The following CCDC15 variants were observed in gnomAD, a reference collection of about 807,000 sequenced individuals.
The protein encoded by CCDC15 is coiled-coil domain containing 15.
Under a neutral mutation model 114.5 loss-of-function variants are expected in CCDC15, and 105 were observed. The ratio of observed to expected loss-of-function variants is 0.92; its 90% confidence interval spans 0.78 to 1.08. CCDC15 has a LOEUF of 1.08. Among genes scored for constraint, CCDC15 ranks in the 50% least tolerant of loss-of-function variants. The probability of loss-of-function intolerance (pLI) is 0.00; values close to 1 mark genes in which losing one functional copy is unlikely to be tolerated. For synonymous variants in CCDC15, 334 were observed against 377.8 expected (o/e 0.88, Z 1.34); for missense variants, 1,105 against 1,093.6 (o/e 1.01, Z -0.15).
At position 125,016,125 on chromosome 11, in the gene CCDC15, C is replaced by T. The variant is rs577714008; in HGVS notation, c.2411+10913C>T. On this transcript the variant is annotated intron_variant, in intron 13 of 15. Transcript: ENST00000344762. ...AATATTTTATTACTAGTTTGTTTGA[C>T]ATTGTAAGACTAAGCAGTATCTGCA... is the stretch of plus-strand genomic sequence containing the variant. Among the ~76,000 whole-genome samples the T allele has an allele frequency of 6.0e-4, 92 of 152,138 alleles. No individual in the cohort carries two copies. In the South Asian group the frequency reaches 7.0e-3, roughly 12 times the overall value.
At chr11:125,030,893 C>G (rs1948734209) in intron 13 of CCDC15, among the ~76,000 whole-genome samples, 1 of 152,190 alleles carries the variant, frequency 6.6e-6, no homozygotes, top group Non-Finnish European at 1.5e-5. Context: ...AAATCCTTCT[C>G]TGCTGAGTTC....
chr11:125,008,989 C>T (rs1041520986), intron 13 of CCDC15, among the ~76,000 whole-genome samples: 1 of 152,070 alleles, frequency 6.6e-6, no homozygotes, highest in African/African-American at 2.4e-5. Context: ...GAGGCTGAGG[C>T]GGGCAGATCA....
chr11:124,970,376 G>A (rs1947859101), intron 4 of CCDC15, among the ~76,000 whole-genome samples: 1 of 152,192 alleles, frequency 6.6e-6, no homozygotes, highest in Non-Finnish European at 1.5e-5. Flanking sequence ...GCAACTCGCT[G>A]CATTGCACTG....
Position 125,038,568 on chromosome 11 carries a change from C to G in CCDC15, c.2549C>G (p.Thr850Ser), listed in dbSNP as rs751885020. The G allele has an allele frequency of 6.3e-7, 1 of 1,574,976 alleles. No individual in the cohort carries two copies. Among genetic ancestry groups the G allele is most frequent in the South Asian group, 1.2e-5 (1 of 83,600 alleles). Reference protein sequence around the residue: ...AQLQLQEIKGTREKQQREKEY... With the variant: ...AQLQLQEIKGSREKQQREKEY... ...TTACAACTTCAAGAAATAAAAGGAA[C>G]CAGAGAAAAACAACAGAGAGAAAAA... Residue 850 changes from threonine (T) to serine (S), a missense_variant, in exon 14 of 16, where the codon ACC becomes AGC. Physicochemically the swap from Thr to Ser is moderately conservative, Grantham distance 58. Coordinates refer to ENST00000344762, the MANE Select transcript of CCDC15 (RefSeq NM_025004.3).
At chr11:125,008,990 G>A (rs1371925764) in intron 13 of CCDC15, among the ~76,000 whole-genome samples, 3 of 152,004 alleles carry the variant, frequency 2.0e-5, no homozygotes, top group Admixed American at 6.6e-5. Context: ...AGGCTGAGGC[G>A]GGCAGATCAC....
Position 125,032,211 on chromosome 11 carries a change from G to C in CCDC15, c.2412-6220G>C, listed in dbSNP as rs565274351. ...AGTGGAAAGTGATCAAGGTCTCTCTGAATAAGATTATGACACAAAGCCGGA... is the reference window on the plus strand; with the variant it reads ...AGTGGAAAGTGATCAAGGTCTCTCTCAATAAGATTATGACACAAAGCCGGA... On this transcript the variant is annotated intron_variant, in intron 13 of 15. Coordinates refer to ENST00000344762, the MANE Select transcript of CCDC15 (RefSeq NM_025004.3). Among the ~76,000 whole-genome samples, 3 of 152,346 alleles carry C rather than the reference G, an allele frequency of 2.0e-5. No individual in the cohort carries two copies. The South Asian group carries it at 6.2e-4, about 32-fold the overall frequency.
intron 13 of CCDC15, among the ~76,000 whole-genome samples, chr11:125,031,926 T>A (rs143178183): frequency 6.6e-6 from 1 of 152,304 alleles, no homozygotes; most frequent in African/African-American, 2.4e-5. Flanking sequence ...ATAGGCCCAC[T>A]AGGCATTGTG....
chr11:124,996,663 T>A (rs1948376516), intron 11 of CCDC15, among the ~76,000 whole-genome samples: 1 of 152,198 alleles, frequency 6.6e-6, no homozygotes, highest in Non-Finnish European at 1.5e-5. Context: ...TTTTTCCATC[T>A]TGTAAAACTG....
At chr11:124,993,118 G>C (rs769464515) in intron 10 of CCDC15, 51 bp from the exon 11 acceptor site, 75 of 1,117,636 alleles carry the variant, frequency 6.7e-5, no homozygotes, top group Non-Finnish European at 9.6e-5. Flanking sequence ...ACTGTCACTA[G>C]CCCGTCATTT....
chr11:124,994,282 C>T (rs1328844622), intron 11 of CCDC15, among the ~76,000 whole-genome samples: 3 of 152,134 alleles, frequency 2.0e-5, no homozygotes, highest in Non-Finnish European at 4.4e-5. Flanking sequence ...AGGTAGAGCA[C>T]ATCACAGGGT....
At position 124,988,055 on chromosome 11, in the gene CCDC15, C is replaced by A; in HGVS notation, c.1829C>A (p.Pro610His). ...ATATGTCAGGACCGGGATTTTCTAC[C>A]CAGAGACCTGCATGTTCTCTCCAAC... is the stretch of plus-strand genomic sequence containing the variant. ...LPICQDRDFL[P>H]RDLHVLSNDQ... is the part of the protein sequence containing the mutation. Residue 610 changes from proline (P) to histidine (H), a missense_variant, in exon 8 of 16, where the codon CCC becomes CAC. Pro to His is a moderately conservative substitution (Grantham distance 77, BLOSUM62 -2). Transcript: ENST00000344762. 6.2e-7 allele frequency: 1 copy of A among 1,613,956 alleles called. No homozygotes were observed.
chr11:125,040,031 GTTGT>G (rs1948805020), intron 15 of CCDC15, among the ~76,000 whole-genome samples: 1 of 150,174 alleles, frequency 6.7e-6, no homozygotes, highest in Non-Finnish European at 1.5e-5. Context: ...ATTTGTTGTT[GTTGT>G]TTGTTTTTTT....
intron 6 of CCDC15, among the ~76,000 whole-genome samples, chr11:124,981,600 G>A (rs563169754): frequency 7.9e-5 from 12 of 151,992 alleles, no homozygotes; most frequent in African/African-American, 2.2e-4. Flanking sequence ...TCAGGGGGCC[G>A]TTGAAATCTC....
At chr11:125,022,049 G>A (rs977724550) in intron 13 of CCDC15, among the ~76,000 whole-genome samples, 1 of 151,760 alleles carries the variant, frequency 6.6e-6, no homozygotes, top group Non-Finnish European at 1.5e-5. Context: ...CTCAATATAC[G>A]CAGATCCCTA....
intron 13 of CCDC15, among the ~76,000 whole-genome samples, chr11:125,031,876 A>G (rs559924550): frequency 2.0e-5 from 3 of 152,318 alleles, no homozygotes; most frequent in African/African-American, 7.2e-5. Context: ...AGTCTGGGGT[A>G]ACACACCTAA....
intron 8 of CCDC15, 116 bp from the exon 9 acceptor site, chr11:124,991,345 G>A (rs1248676590): frequency 5.1e-6 from 3 of 593,156 alleles, no homozygotes; most frequent in African/African-American, 1.9e-5. Flanking sequence ...ATTCCATAAT[G>A]TTTTATATTA....
At chr11:125,022,448 T>C (rs1355392292) in intron 13 of CCDC15, among the ~76,000 whole-genome samples, 4 of 151,926 alleles carry the variant, frequency 2.6e-5, no homozygotes, top group African/African-American at 9.7e-5. Context: ...CTGGTAAATA[T>C]GGGAGAATAG....
intron 4 of CCDC15, among the ~76,000 whole-genome samples, chr11:124,973,421 C>T (rs1947919365): frequency 6.6e-6 from 1 of 151,312 alleles, no homozygotes. Context: ...TATCTTGATT[C>T]CCTTTGGCCA....
intron 8 of CCDC15, among the ~76,000 whole-genome samples, chr11:124,989,109 G>A (rs1948226780): frequency 6.6e-6 from 1 of 152,132 alleles, no homozygotes; most frequent in African/African-American, 2.4e-5. Flanking sequence ...TGACAGAAAT[G>A]TATTTTATAA....
Sources: gnomAD v4.1 joint callset for allele counts (sites outside exome capture counted in the v4.1 genomes callset) on GRCh38, gnomAD v4.1.1 for gene constraint, MANE v1.5 for transcripts, NCBI Gene and HGNC (gene_info 2026-07-23, HGNC 2026-07-21) for gene names.